PRRC2C: variants seen among roughly 807,000 people sequenced by gnomAD.
PRRC2C encodes protein PRRC2C.
Under a neutral mutation model 317.2 loss-of-function variants are expected in PRRC2C, and 72 were observed. That is an observed-to-expected ratio of 0.23 (90% CI 0.19 to 0.28). The LOEUF is 0.28. PRRC2C is among the 10% of genes least tolerant of loss of function. The pLI is 1.00. For missense variants in PRRC2C, 3,074 were observed against 3,459.7 expected (o/e 0.89, Z 2.80); for synonymous variants, 1,296 against 1,205.9 (o/e 1.07, Z -1.55).
intron 1 of PRRC2C, among the ~76,000 whole-genome samples, chr1:171,490,888 A>T (rs6669168): frequency 0.12 from 18,805 of 152,146 alleles, 1,232 homozygotes; most frequent in East Asian, 0.22. Flanking sequence ...CCTTTTTGTC[A>T]CTTTGTGCCA....
At position 171,540,446 on chromosome 1, in the gene PRRC2C, C is replaced by T. The variant is rs758929942; in HGVS notation, c.2980C>T (p.Arg994Cys). The change falls in exon 16 of 35, where the codon CGT becomes TGT. Residue 994 changes from arginine (R) to cysteine (C), a missense_variant. By Grantham distance (180) the Arg-to-Cys change is radical. This residue lies in a region of PRRC2C where 1,320 missense variants were observed against 1,395.7 expected (regional missense o/e 0.95). Transcript: ENST00000647382. ...EKVYKSKSET[R>C]WGPRPSSNRR... Reference sequence around the variant, plus strand: ...AGTATATAAATCTAAATCAGAAACTCGTTGGGGCCCACGACCAAGCTCTAA... The same window carrying T: ...AGTATATAAATCTAAATCAGAAACTTGTTGGGGCCCACGACCAAGCTCTAA... 28 of 1,612,794 alleles carry T rather than the reference C, an allele frequency of 1.7e-5. No homozygotes were observed. The highest frequency in any genetic ancestry group is 2.7e-5 in the African/African-American group (2 of 74,800).
intron 1 of PRRC2C, among the ~76,000 whole-genome samples, chr1:171,491,058 C>G (rs78914128): frequency 0.15 from 23,299 of 151,988 alleles, 1,864 homozygotes; most frequent in Middle Eastern, 0.29. Flanking sequence ...TGATATTACA[C>G]AATATCAAGA....
chr1:171,588,315 C>T, intron 32 of PRRC2C, 64 bp from the exon 33 acceptor site: 1 of 1,555,734 alleles, frequency 6.4e-7, no homozygotes, highest in Middle Eastern at 1.7e-4. Context: ...ACGGTGTTTG[C>T]AAAAATCTAA....
At chr1:171,581,500 G>A (rs1438493864) in intron 28 of PRRC2C, among the ~76,000 whole-genome samples, 1 of 152,202 alleles carries the variant, frequency 6.6e-6, no homozygotes, top group Non-Finnish European at 1.5e-5. Context: ...TTTAAGACCA[G>A]ACGTGGTCAA....
chr1:171,489,944 G>A (rs1666814635), intron 1 of PRRC2C, among the ~76,000 whole-genome samples: 1 of 151,470 alleles, frequency 6.6e-6, no homozygotes, highest in South Asian at 2.1e-4. Context: ...TTTTTAGATG[G>A]AGTCTCACTC....
chr1:171,593,007 T>C lies in PRRC2C; in HGVS notation c.*1160T>C, dbSNP rs571456151. On this transcript the variant is annotated 3_prime_UTR_variant, in exon 35 of 35. Transcript: ENST00000647382. ...CGTGCTTTATCAGAGCTGTTTTTAA[T>C]GATGTTATTCTAGAATGTTTTCTTT... 3.3e-5 allele frequency: 5 copies of C among 152,220 alleles called. No homozygotes were observed. The South Asian group carries it at 1.0e-3, about 32-fold the overall frequency. The allele number at this position is 152,220 out of a possible 1,614,324, so 9.4% of individuals were successfully genotyped here. A position where few individuals can be genotyped will look rare whatever the true frequency, so the allele number is the denominator to read the frequency against.
At chr1:171,489,968 G>A (rs562566653) in intron 1 of PRRC2C, among the ~76,000 whole-genome samples, 1 of 152,080 alleles carries the variant, frequency 6.6e-6, no homozygotes, top group East Asian at 1.9e-4. Context: ...TGCCCAGGCT[G>A]GAGTGCAGTG....
chr1:171,561,606 T>C (rs924237349), intron 20 of PRRC2C, among the ~76,000 whole-genome samples: 1 of 152,238 alleles, frequency 6.6e-6, no homozygotes, highest in East Asian at 1.9e-4. Context: ...CTCTTGCTGC[T>C]ACATCTTTAC....
At chr1:171,567,984 C>T (rs1212129615) in intron 22 of PRRC2C, among the ~76,000 whole-genome samples, 1 of 152,070 alleles carries the variant, frequency 6.6e-6, no homozygotes, top group African/African-American at 2.4e-5. Flanking sequence ...GCCAGGAGTT[C>T]GAGACCAGCC....
At position 171,593,158 on chromosome 1, in the gene PRRC2C, C is replaced by T. The variant is rs1327176757; in HGVS notation, c.*1311C>T. On this transcript the variant is annotated 3_prime_UTR_variant, in exon 35 of 35. Transcript: ENST00000647382. ...CCCCCTTTTTTTTAAATGGAGTGTG[C>T]TGGATGTCTCTATAATTTTATTCAG... 1 of 150,628 alleles carries T rather than the reference C, an allele frequency of 6.6e-6. No individual in the cohort carries two copies. The highest frequency in any genetic ancestry group is 2.4e-5 in the African/African-American group (1 of 40,960). 9.3% of individuals were successfully genotyped at this position (150,628 alleles called of 1,614,324 possible). A position where few individuals can be genotyped will look rare whatever the true frequency, so the allele number is the denominator to read the frequency against.
Position 171,514,618 on chromosome 1 carries a change from A to G in PRRC2C, c.373A>G (p.Ser125Gly). The change falls in exon 4 of 35, where the codon AGT becomes GGT. Residue 125 changes from serine to glycine, a missense_variant. By Grantham distance (56) the Ser-to-Gly change is moderately conservative (BLOSUM62 0). This residue lies in a region of PRRC2C where 237 missense variants were observed against 199.5 expected (regional missense o/e 1.19). Coordinates refer to ENST00000647382, the MANE Select transcript of PRRC2C (RefSeq NM_001387844.1). ...EVAPAPKSWA[S>G]NKQGGQGDGI... ...AGCACCTGCTCCCAAATCATGGGCC[A>G]GTAACAAGCAAGGTGGGCAAGGAGA... is the stretch of plus-strand genomic sequence containing the variant. The G allele has an allele frequency of 1.3e-6, 2 of 1,558,440 alleles. No individual in the cohort carries two copies. The highest frequency in any genetic ancestry group is 2.4e-5 in the South Asian group (2 of 84,308).
intron 28 of PRRC2C, among the ~76,000 whole-genome samples, chr1:171,583,309 T>C (rs996077567): frequency 5.3e-5 from 8 of 151,954 alleles, no homozygotes; most frequent in Admixed American, 2.0e-4. Flanking sequence ...TTTAATTTTT[T>C]AATTTTTTTT....
intron 28 of PRRC2C, among the ~76,000 whole-genome samples, chr1:171,580,582 C>T (rs988875318): frequency 6.6e-6 from 1 of 152,216 alleles, no homozygotes; most frequent in African/African-American, 2.4e-5. Context: ...CTTCACACAA[C>T]CACCTAAGAT....
In PRRC2C at chr1:171,571,286, GTTAGATTGTGATATGTGTTGCCTACCTTT is replaced by G; in HGVS notation, c.6652-32_6652-4del. On this transcript the variant is annotated splice_region_variant and splice_polypyrimidine_tract_variant and intron_variant, in intron 23 of 34. Coordinates refer to ENST00000647382, the MANE Select transcript of PRRC2C (RefSeq NM_001387844.1). ...ATGGGGCTTTCGTAGTAGACACATA[GTTAGATTGTGATATGTGTTGCCTACCTTT>G]TCAGGTGCCCCTGCCCAACACCCTT... 7.9e-7 allele frequency: 1 copy of G among 1,266,326 alleles called. No individual in the cohort carries two copies. Among genetic ancestry groups the G allele is most frequent in the Non-Finnish European group, 1.2e-6 (1 of 866,554 alleles). 78.4% of individuals were successfully genotyped at this position (1,266,326 alleles called of 1,614,324 possible). A position where few individuals can be genotyped will look rare whatever the true frequency, so the allele number is the denominator to read the frequency against.
At chr1:171,517,899 A>T in intron 6 of PRRC2C, 85 bp downstream of exon 6, 1 of 1,185,622 alleles carries the variant, frequency 8.4e-7, no homozygotes, top group Admixed American at 2.6e-5. Flanking sequence ...GGAAAAGTTT[A>T]GGTCTTTGTT....
Position 171,541,402 on chromosome 1 carries a change from T to C in PRRC2C, c.3936T>C (p.His1312=), listed in dbSNP as rs775379596. Residue 1312 remains histidine (H), a synonymous_variant, in exon 16 of 35, where the codon CAT becomes CAC. Transcript: ENST00000647382. This position sits in a 1 kb window ranked among gnomAD's most constrained non-coding sequence, Gnocchi z 4.1. ...KPHSSFKPDN[H]VRIDNRLLEK... is the part of the protein sequence containing the mutation. ...ATTCTTCTTTCAAGCCTGATAATCA[T>C]GTTCGAATAGATAATAGACTGCTAG... 7.4e-6 allele frequency: 12 copies of C among 1,613,560 alleles called. No homozygotes were observed. The highest frequency in any genetic ancestry group is 2.2e-5 in the East Asian group (1 of 44,886).
intron 28 of PRRC2C, 78 bp from the exon 29 acceptor site, chr1:171,583,878 G>T: frequency 8.2e-7 from 1 of 1,221,588 alleles, no homozygotes; most frequent in Non-Finnish European, 1.2e-6. Context: ...TGGGTCATTT[G>T]GGATTTGCAT....
rs781175131 is a variant in PRRC2C, at chr1:171,540,975, G to A, written c.3509G>A (p.Arg1170Lys). ...AVKKESTLPPRTYWKEARERD... is the reference protein window; with the variant it reads ...AVKKESTLPPKTYWKEARERD... ...AAAAAAGAATCAACTTTGCCTCCCA[G>A]GACCTATTGGAAAGAAGCTAGAGAG... Residue 1170 changes from arginine to lysine, a missense_variant, in exon 16 of 35, where the codon AGG becomes AAG. Transcript: ENST00000647382. 6.2e-7 allele frequency: 1 copy of A among 1,613,896 alleles called. No individual in the cohort carries two copies. The highest frequency in any genetic ancestry group is 1.1e-5 in the South Asian group (1 of 91,074).
intron 1 of PRRC2C, among the ~76,000 whole-genome samples, chr1:171,508,823 T>G (rs781106998): frequency 6.6e-6 from 1 of 152,236 alleles, no homozygotes. Flanking sequence ...TTATAACATA[T>G]TTACATTTTG....
Sources: gnomAD v4.1 joint callset for allele counts (sites outside exome capture counted in the v4.1 genomes callset) on GRCh38, gnomAD v4.1.1 for gene constraint, gnomAD v4.1.1 regional missense constraint, Gnocchi (gnomAD v3.1) non-coding constraint, MANE v1.5 for transcripts, NCBI Gene and HGNC (gene_info 2026-07-23, HGNC 2026-07-21) for gene names.